Variants in MEMO1 observed in about 807,000 individuals in gnomAD.
The protein encoded by MEMO1 is protein MEMO1.
A neutral mutation model predicts 45.2 loss-of-function variants in MEMO1; 6 were observed. That is an observed-to-expected ratio of 0.13 (90% CI 0.07 to 0.26). The LOEUF (loss-of-function observed/expected upper bound fraction) is 0.26. Ranked by LOEUF, MEMO1 falls within the 10% of genes least tolerant of loss-of-function variation. MEMO1 has a pLI of 1.00. For synonymous variants in MEMO1, 78 were observed against 124.3 expected, an observed-to-expected ratio of 0.63 and a Z score of 2.48; for missense variants, 184 against 370.5, an observed-to-expected ratio of 0.50 and a Z score of 4.13.
intron 2 of MEMO1, among the ~76,000 whole-genome samples, chr2:31,948,107 G>T (rs1313677259): frequency 6.6e-6 from 1 of 152,114 alleles, no homozygotes; most frequent in Non-Finnish European, 1.5e-5. Flanking sequence ...CTGGCCTATA[G>T]GCTATACTCC....
chr2:31,941,407 A>G (rs1572753168), intron 3 of MEMO1, among the ~76,000 whole-genome samples: 1 of 152,068 alleles, frequency 6.6e-6, no homozygotes, highest in Admixed American at 6.6e-5. Context: ...AAACAGTAAC[A>G]CCCTACCCAT....
At chr2:31,922,373 A>C (rs1307208510) in intron 4 of MEMO1, among the ~76,000 whole-genome samples, 1 of 151,658 alleles carries the variant, frequency 6.6e-6, no homozygotes. Context: ...AGTTGTGGGT[A>C]AGTGATTCTC....
chr2:31,965,283 GGAAGGGAA>G (rs892926547), intron 2 of MEMO1, among the ~76,000 whole-genome samples: 3 of 151,574 alleles, frequency 2.0e-5, no homozygotes, highest in Non-Finnish European at 2.9e-5. Flanking sequence ...GGAAGAGAAG[GGAAGGGAA>G]GAAGGGAAGG....
At chr2:31,942,464 A>T (rs1252706855) in intron 3 of MEMO1, among the ~76,000 whole-genome samples, 1 of 152,172 alleles carries the variant, frequency 6.6e-6, no homozygotes, top group Admixed American at 6.5e-5. Flanking sequence ...ATTATCAAAA[A>T]TACATTTCGA....
chr2:31,993,949 CTTTTTTTT>C (rs397800267), intron 2 of MEMO1, among the ~76,000 whole-genome samples: 4 of 73,610 alleles, frequency 5.4e-5, no homozygotes, highest in Non-Finnish European at 8.2e-5. Flanking sequence ...TCAATACTTT[CTTTTTTTT>C]TTTTTTTTTT....
intron 4 of MEMO1, among the ~76,000 whole-genome samples, chr2:31,927,345 A>T (rs1006614780): frequency 6.6e-6 from 1 of 152,176 alleles, no homozygotes; most frequent in African/African-American, 2.4e-5. Context: ...AAATTCATTG[A>T]TAGTAACTTC....
intron 2 of MEMO1, among the ~76,000 whole-genome samples, chr2:31,990,633 T>C (rs1034389426): frequency 1.3e-5 from 2 of 151,212 alleles, no homozygotes. Context: ...GGTCTTGAAC[T>C]GGTGAGCTCA....
chr2:31,943,356 C>T lies in MEMO1; in HGVS notation c.89G>A (p.Gly30Asp), dbSNP rs745598996. ...TGTAGACTGTACTTGTGAAAGCCAA[C>T]CTTCTAGCTGTGCATTCAGCTGCGG... ...SGPQLNAQLE[G>D]WLSQVQSTKR... Residue 30 changes from glycine (G) to aspartate (D), a missense_variant, in exon 3 of 10, where the codon GGT becomes GAT. This residue lies in a region of MEMO1 where 27 missense variants were observed against 82.1 expected (regional missense o/e 0.33). Coordinates refer to ENST00000404530, the MANE Select transcript of MEMO1 (RefSeq NM_001301833.4). 1 of 1,613,912 alleles carries T rather than the reference C, an allele frequency of 6.2e-7. No individual in the cohort carries two copies. Among genetic ancestry groups the T allele is most frequent in the Non-Finnish European group, 8.5e-7 (1 of 1,179,782 alleles).
At chr2:31,914,754 G>A (rs887919728) in intron 6 of MEMO1, among the ~76,000 whole-genome samples, 5 of 151,972 alleles carry the variant, frequency 3.3e-5, no homozygotes, top group African/African-American at 1.2e-4. Flanking sequence ...AGGAGGTCAA[G>A]ATCAGCCTGA....
chr2:31,949,769 G>C (rs1051221325), intron 2 of MEMO1, among the ~76,000 whole-genome samples: 3 of 151,344 alleles, frequency 2.0e-5, no homozygotes, highest in Admixed American at 6.6e-5. Context: ...TGGATTCTTT[G>C]TAACTCAAAG....
intron 5 of MEMO1, among the ~76,000 whole-genome samples, chr2:31,920,110 A>T (rs1043151346): frequency 6.6e-6 from 1 of 151,936 alleles, no homozygotes; most frequent in African/African-American, 2.4e-5. Context: ...TGTTAAGTAC[A>T]TCAGTTAATT....
intron 2 of MEMO1, among the ~76,000 whole-genome samples, chr2:32,003,518 T>C (rs1381039915): frequency 6.6e-6 from 1 of 152,226 alleles, no homozygotes; most frequent in East Asian, 1.9e-4. Flanking sequence ...TTTGTATACT[T>C]TTTCAATATA....
chr2:31,965,968 T>C (rs1668568050), intron 2 of MEMO1, among the ~76,000 whole-genome samples: 1 of 152,148 alleles, frequency 6.6e-6, no homozygotes, highest in African/African-American at 2.4e-5. Context: ...GAACTTATAA[T>C]AAAATAAAAT....
intron 4 of MEMO1, among the ~76,000 whole-genome samples, chr2:31,923,258 G>A (rs959446687): frequency 1.3e-5 from 2 of 152,040 alleles, no homozygotes; most frequent in Non-Finnish European, 2.9e-5. Context: ...TGTTGGCCAC[G>A]TATGTATCTT....
At chr2:31,876,130 T>C (rs753871682) in intron 8 of MEMO1, among the ~76,000 whole-genome samples, 2 of 152,220 alleles carry the variant, frequency 1.3e-5, no homozygotes, top group Non-Finnish European at 2.9e-5. Flanking sequence ...CCCTATATTA[T>C]CAGCTCCCTG....
intron 2 of MEMO1, among the ~76,000 whole-genome samples, chr2:32,002,202 CAT>C (rs58614981): frequency 0.014 from 1,750 of 128,132 alleles, 46 homozygotes; most frequent in African/African-American, 0.046. Context: ...CACACACACA[CAT>C]GTATATACGT....
At chr2:31,984,746 CG>C (rs1671069210) in intron 2 of MEMO1, among the ~76,000 whole-genome samples, 1 of 152,094 alleles carries the variant, frequency 6.6e-6, no homozygotes, top group African/African-American at 2.4e-5. Flanking sequence ...ACAGAGCTTG[CG>C]GTGAGCCAAG....
At chr2:31,993,944 A>ATTTT (rs1157989313) in intron 2 of MEMO1, among the ~76,000 whole-genome samples, 6 of 133,880 alleles carry the variant, frequency 4.5e-5, no homozygotes, top group Non-Finnish European at 9.4e-5. Context: ...TATCATCAAT[A>ATTTT]CTTTCTTTTT....
chr2:31,884,123 T>C lies in MEMO1; in HGVS notation c.581-661A>G, dbSNP rs1412215737. Reference sequence around the variant, plus strand: ...TCAATAAGATTATAAGCATAGAACATTCAATGTTTTGGCTATTCTCCAAAG... The same window carrying C: ...TCAATAAGATTATAAGCATAGAACACTCAATGTTTTGGCTATTCTCCAAAG... On this transcript the variant is annotated intron_variant, in intron 7 of 9. Coordinates refer to ENST00000404530, the MANE Select transcript of MEMO1 (RefSeq NM_001301833.4). Among the ~76,000 whole-genome samples, 3 of 152,142 alleles carry C rather than the reference T, an allele frequency of 2.0e-5. No individual in the cohort carries two copies. In the East Asian group the frequency reaches 5.8e-4, roughly 29 times the overall value.
Sources: gnomAD v4.1 joint callset for allele counts (sites outside exome capture counted in the v4.1 genomes callset) on GRCh38, gnomAD v4.1.1 for gene constraint, gnomAD v4.1.1 regional missense constraint, MANE v1.5 for transcripts, NCBI Gene and HGNC (gene_info 2026-07-23, HGNC 2026-07-21) for gene names.